TBCE: variants seen among roughly 807,000 people sequenced by gnomAD.
TBCE encodes tubulin folding cofactor E, also known as tubulin-specific chaperone E.
Under a neutral mutation model 77.0 loss-of-function variants are expected in TBCE, and 53 were observed. That is an observed-to-expected ratio of 0.69 (90% CI 0.55 to 0.87). TBCE has a LOEUF of 0.87. Among genes scored for constraint, TBCE ranks in the 40% least tolerant of loss-of-function variants. TBCE has a pLI of 0.00. For missense variants in TBCE, 624 were observed against 622.4 expected (o/e 1.00, Z -0.03); for synonymous variants, 235 against 241.3 (o/e 0.97, Z 0.24).
chr1:235,447,056 G>C (rs1052065525), intron 15 of TBCE, among the ~76,000 whole-genome samples: 2 of 152,090 alleles, frequency 1.3e-5, no homozygotes, highest in African/African-American at 4.8e-5. Flanking sequence ...GTGTGCAGCA[G>C]GTAACCCCTT....
At chr1:235,427,081 C>T in intron 5 of TBCE, 59 bp from the exon 6 acceptor site, 1 of 1,198,822 alleles carries the variant, frequency 8.3e-7, no homozygotes, top group South Asian at 1.2e-5. Context: ...TTAAGAGTAA[C>T]TCCTTTTATG....
At chr1:235,378,627 A>C (rs1677437699) in intron 1 of TBCE, among the ~76,000 whole-genome samples, 1 of 152,132 alleles carries the variant, frequency 6.6e-6, no homozygotes, top group Non-Finnish European at 1.5e-5. Flanking sequence ...TGAGTGGATC[A>C]CTTGAGGTCA....
rs761206676 is a variant in TBCE at position 235,419,435 on chromosome 1, G to A, written c.372-38G>A. 6.2e-6 allele frequency: 10 copies of A among 1,613,902 alleles called. No individual in the cohort carries two copies. In the East Asian group the frequency reaches 1.3e-4, roughly 22 times the overall value. Reference sequence around the variant, plus strand: ...TTTAAAGGGCCAGTGGATAGCATACGTGCTTATGTATCCATGTGAACTCTG... The same window carrying A: ...TTTAAAGGGCCAGTGGATAGCATACATGCTTATGTATCCATGTGAACTCTG... On this transcript the variant is annotated intron_variant, in intron 4 of 16. Transcript: ENST00000642610.
At chr1:235,411,317 A>G (rs1161897680) in intron 3 of TBCE, among the ~76,000 whole-genome samples, 1 of 152,204 alleles carries the variant, frequency 6.6e-6, no homozygotes, top group African/African-American at 2.4e-5. Context: ...CTATAAGTCA[A>G]GTTTGATTCC....
At chr1:235,379,947 CA>C (rs36068852) in intron 1 of TBCE, 71 bp from the exon 2 acceptor site, 38,711 of 710,486 alleles carry the variant, frequency 0.054, no homozygotes, top group South Asian at 0.08. Flanking sequence ...GACTGTGCCT[CA>C]AAAAAAAAAA....
intron 2 of TBCE, among the ~76,000 whole-genome samples, chr1:235,381,007 A>G (rs535989561): frequency 1.8e-5 from 2 of 109,232 alleles, no homozygotes; most frequent in African/African-American, 9.8e-5. Flanking sequence ...CTGGTCTCGA[A>G]CTCCTGAGGT....
intron 3 of TBCE, among the ~76,000 whole-genome samples, chr1:235,402,494 A>G (rs1171270373): frequency 6.6e-6 from 1 of 152,112 alleles, no homozygotes; most frequent in Non-Finnish European, 1.5e-5. Context: ...GTTGATTTTT[A>G]TTAGTTTTCA....
intron 4 of TBCE, among the ~76,000 whole-genome samples, chr1:235,418,068 C>T (rs1680202069): frequency 6.6e-6 from 1 of 152,214 alleles, no homozygotes; most frequent in Non-Finnish European, 1.5e-5. Flanking sequence ...AGGCATAAGC[C>T]ACTGCCCCCG....
intron 1 of TBCE, among the ~76,000 whole-genome samples, chr1:235,375,730 C>T (rs1677251350): frequency 6.6e-6 from 1 of 152,020 alleles, no homozygotes; most frequent in African/African-American, 2.4e-5. Flanking sequence ...CGTTCAGAGA[C>T]TAGACAGGAT....
chr1:235,427,074 A>T (rs1680763318), intron 5 of TBCE, 66 bp from the exon 6 acceptor site: 1 of 1,132,890 alleles, frequency 8.8e-7, no homozygotes, highest in Non-Finnish European at 1.3e-6. Context: ...TCTGGAATTA[A>T]GAGTAACTCC....
chr1:235,378,848 G>A lies in TBCE; in HGVS notation c.-31-1171G>A, dbSNP rs539266829. ...TGCACTCCAGCCTGGGCAACAGAGCGAGACTCTGTCTCAAGAAAAGAAAAA... is the reference window on the plus strand; with the variant it reads ...TGCACTCCAGCCTGGGCAACAGAGCAAGACTCTGTCTCAAGAAAAGAAAAA... On this transcript the variant is annotated intron_variant, in intron 1 of 16. Transcript: ENST00000642610. Among the ~76,000 whole-genome samples the A allele has an allele frequency of 1.5e-4, 23 of 152,138 alleles. No individual in the cohort carries two copies. In the South Asian group the frequency reaches 3.9e-3, roughly 26 times the overall value.
At chr1:235,384,973 A>G (rs1380004657) in intron 2 of TBCE, among the ~76,000 whole-genome samples, 1 of 151,542 alleles carries the variant, frequency 6.6e-6, no homozygotes, top group East Asian at 1.9e-4. Flanking sequence ...ATTTCCCTCT[A>G]CACACTGCTT....
chr1:235,436,340 A>G, intron 9 of TBCE, 46 bp from the exon 10 acceptor site: 2 of 1,583,886 alleles, frequency 1.3e-6, no homozygotes, highest in Non-Finnish European at 1.7e-6. Flanking sequence ...ACCCCATAGC[A>G]TTTTACATTG....
intron 5 of TBCE, among the ~76,000 whole-genome samples, chr1:235,426,311 G>C (rs915418412): frequency 6.6e-6 from 1 of 152,146 alleles, no homozygotes; most frequent in African/African-American, 2.4e-5. Context: ...CAGTTGGAGT[G>C]ATACTGTTAC....
Position 235,450,574 on chromosome 1 carries a change from A to G in TBCE, c.*1812A>G, listed in dbSNP as rs1410625934. On this transcript the variant is annotated 3_prime_UTR_variant, in exon 17 of 17. Transcript: ENST00000642610. ...ACAGAAACAAGGCGGTGTGTGGATG[A>G]AGAGTTAGTCAACAAATGCCATTCC... 3 of 485,160 alleles carry G rather than the reference A, an allele frequency of 6.2e-6. No individual in the cohort carries two copies. The highest frequency in any genetic ancestry group is 1.1e-5 in the Non-Finnish European group (3 of 268,526). 30.1% of individuals were successfully genotyped at this position (485,160 alleles called of 1,614,324 possible).
intron 8 of TBCE, 36 bp from the exon 9 acceptor site, chr1:235,435,705 GAGAT>G: frequency 6.5e-7 from 1 of 1,549,116 alleles, no homozygotes; most frequent in Non-Finnish European, 8.9e-7. Flanking sequence ...AAACAATTAA[GAGAT>G]AAATTCACGG....
rs1682798868 is a variant in TBCE at position 235,450,082 on chromosome 1, G to A, written c.*1320G>A. On this transcript the variant is annotated 3_prime_UTR_variant, in exon 17 of 17. Coordinates refer to ENST00000642610, the MANE Select transcript of TBCE (RefSeq NM_003193.5). ...AACACCGCATTGGTTCTGGGTGAAA[G>A]TGCCAGTCTGGAACTCTCTTGAAAG... is the stretch of plus-strand genomic sequence containing the variant. 3.4e-6 allele frequency: 4 copies of A among 1,188,928 alleles called. No homozygotes were observed. Among genetic ancestry groups the A allele is most frequent in the Middle Eastern group, 2.8e-4 (1 of 3,578 alleles). The allele number at this position is 1,188,928 out of a possible 1,614,324, so 73.6% of individuals were successfully genotyped here. A position where few individuals can be genotyped will look rare whatever the true frequency, so the allele number is the denominator to read the frequency against.
chr1:235,442,974 TA>T, intron 15 of TBCE, 63 bp downstream of exon 15: 1 of 1,539,460 alleles, frequency 6.5e-7, no homozygotes, highest in Non-Finnish European at 9.0e-7. Flanking sequence ...ATGAGTCAGC[TA>T]AAATTAAAAC....
intron 6 of TBCE, among the ~76,000 whole-genome samples, chr1:235,427,684 C>T (rs1680807108): frequency 6.6e-6 from 1 of 152,102 alleles, no homozygotes; most frequent in Non-Finnish European, 1.5e-5. Flanking sequence ...CTGATTGAAC[C>T]AATCTGTGAG....
Sources: gnomAD v4.1 joint callset for allele counts (sites outside exome capture counted in the v4.1 genomes callset) on GRCh38, gnomAD v4.1.1 for gene constraint, MANE v1.5 for transcripts, NCBI Gene and HGNC (gene_info 2026-07-23, HGNC 2026-07-21) for gene names.